The following CCDC63 variants were observed in gnomAD, a reference collection of about 807,000 sequenced individuals.
The protein encoded by CCDC63 is coiled-coil domain-containing protein 63.
In CCDC63, 54 loss-of-function variants were observed where a neutral mutation model predicts 63.6. The ratio of observed to expected loss-of-function variants is 0.85; its 90% CI spans 0.68 to 1.07. The LOEUF (loss-of-function observed/expected upper bound fraction) is 1.07. CCDC63 is among the 50% of genes least tolerant of loss of function. CCDC63 has a pLI of 0.00. For missense variants in CCDC63, 637 were observed against 689.6 expected, an observed-to-expected ratio of 0.92 and a Z score of 0.86; for synonymous variants, 253 against 266.1, an observed-to-expected ratio of 0.95 and a Z score of 0.48.
At chr12:110,900,003 C>G (rs1277258987) in intron 10 of CCDC63, among the ~76,000 whole-genome samples, 1 of 152,020 alleles carries the variant, frequency 6.6e-6, no homozygotes, top group African/African-American at 2.4e-5. Context: ...CACTTGAGGT[C>G]AGGAGTTCAA....
At chr12:110,887,193 T>C (rs2136710802) in intron 8 of CCDC63, among the ~76,000 whole-genome samples, 1 of 152,246 alleles carries the variant, frequency 6.6e-6, no homozygotes, top group African/African-American at 2.4e-5. Context: ...AGTGGCACGA[T>C]CTTGGCTTAC....
chr12:110,874,890 C>T (rs902226216), intron 5 of CCDC63, among the ~76,000 whole-genome samples: 9 of 152,108 alleles, frequency 5.9e-5, no homozygotes, highest in Non-Finnish European at 1.3e-4. Context: ...GGTGGTTCCC[C>T]TGGAAAAGCA....
chr12:110,868,487 C>G (rs7488646), intron 4 of CCDC63, among the ~76,000 whole-genome samples: 3 of 150,058 alleles, frequency 2.0e-5, no homozygotes, highest in African/African-American at 7.4e-5. Context: ...CCCGGCACCT[C>G]GGGAGGCCGA....
intron 4 of CCDC63, among the ~76,000 whole-genome samples, chr12:110,873,337 A>G (rs2071090149): frequency 6.6e-6 from 1 of 152,224 alleles, no homozygotes; most frequent in Non-Finnish European, 1.5e-5. Context: ...GATGGAGGAG[A>G]AGTCTTGGAT....
chr12:110,896,231 C>T (rs1042962735), intron 9 of CCDC63, among the ~76,000 whole-genome samples: 4 of 152,160 alleles, frequency 2.6e-5, no homozygotes, highest in Non-Finnish European at 5.9e-5. Flanking sequence ...GCCTCAACCT[C>T]CCAGGCTCAA....
At chr12:110,899,997 T>C (rs771874034) in intron 10 of CCDC63, among the ~76,000 whole-genome samples, 8 of 151,372 alleles carry the variant, frequency 5.3e-5, no homozygotes, top group Non-Finnish European at 1.0e-4. Flanking sequence ...GCAGATCACT[T>C]GAGGTCAGGA....
rs192895822 is a variant in CCDC63 at position 110,878,934 on chromosome 12, G to A, written c.490-972G>A. Among the ~76,000 whole-genome samples, 779 of 152,208 alleles carry A rather than the reference G, an allele frequency of 5.1e-3. 1 individual carries two copies. The highest frequency in any genetic ancestry group is 7.9e-3 in the Non-Finnish European group (537 of 68,004). ...GACAATTTATAAGACATACAGGAAA[G>A]TAGAGGGAATAAAATAATGAGCAAA... On this transcript the variant is annotated intron_variant, in intron 5 of 11. Coordinates refer to ENST00000308208, the MANE Select transcript of CCDC63 (RefSeq NM_152591.3).
chr12:110,849,927 A>C (rs2070685423), intron 1 of CCDC63, among the ~76,000 whole-genome samples: 1 of 152,220 alleles, frequency 6.6e-6, no homozygotes. Context: ...CATGATTAGC[A>C]GGAAACAATC....
At chr12:110,878,011 C>CT (rs202239433) in intron 5 of CCDC63, among the ~76,000 whole-genome samples, 1,606 of 151,890 alleles carry the variant, frequency 0.011, 12 homozygotes, top group Non-Finnish European at 0.014. Context: ...CCAGCCTTGA[C>CT]TTTTTTTTGT....
intron 4 of CCDC63, among the ~76,000 whole-genome samples, chr12:110,871,665 G>A (rs2071070723): frequency 6.6e-6 from 1 of 151,382 alleles, no homozygotes; most frequent in Non-Finnish European, 1.5e-5. Context: ...CACATGATGA[G>A]GTGCACGCGT....
upstream of CCDC63, chr12:110,845,910 G>A (rs1464842491): frequency 6.8e-6 from 1 of 147,706 alleles, no homozygotes; most frequent in African/African-American, 2.5e-5. Context: ...CACCCACCGG[G>A]TGTGTGCCAC....
intron 10 of CCDC63, among the ~76,000 whole-genome samples, chr12:110,901,200 T>C (rs1349291266): frequency 2.6e-5 from 4 of 152,140 alleles, no homozygotes; most frequent in African/African-American, 9.7e-5. Flanking sequence ...GATATTGTGA[T>C]TCAGGCATGC....
At chr12:110,875,764 C>T (rs1028067201) in intron 5 of CCDC63, among the ~76,000 whole-genome samples, 14 of 152,102 alleles carry the variant, frequency 9.2e-5, no homozygotes, top group African/African-American at 2.7e-4. Flanking sequence ...CTCTTCCCTT[C>T]ATCCCTAACG....
At chr12:110,860,797 C>G (rs990185738) in intron 4 of CCDC63, among the ~76,000 whole-genome samples, 10 of 152,176 alleles carry the variant, frequency 6.6e-5, no homozygotes, top group African/African-American at 2.2e-4. Flanking sequence ...CCATGTTGCC[C>G]AGGCTGGTCT....
At chr12:110,881,065 G>T (rs753378557) in intron 6 of CCDC63, 50 bp from the exon 7 acceptor site, 6 of 1,514,680 alleles carry the variant, frequency 4.0e-6, no homozygotes, top group Non-Finnish European at 4.4e-6. Context: ...GGAAAGGGAA[G>T]TAGAGAGGAG....
chr12:110,882,043 C>T (rs12819646), intron 7 of CCDC63, among the ~76,000 whole-genome samples: 29,977 of 152,016 alleles, frequency 0.2, 3,104 homozygotes, highest in Admixed American at 0.24. Flanking sequence ...CAGGACTCAG[C>T]ACTGAGGCAC....
intron 8 of CCDC63, among the ~76,000 whole-genome samples, chr12:110,885,202 GA>G (rs2071264195): frequency 6.7e-6 from 1 of 149,474 alleles, no homozygotes; most frequent in Middle Eastern, 3.2e-3. Context: ...GAGAGAGAGA[GA>G]AATATGCAAG....
intron 9 of CCDC63, among the ~76,000 whole-genome samples, chr12:110,894,595 G>A (rs1321900757): frequency 1.3e-5 from 2 of 152,182 alleles, no homozygotes; most frequent in Admixed American, 1.3e-4. Context: ...TGCTCAGAGC[G>A]GCATCTCCCG....
chr12:110,868,212 A>G (rs1266583354), intron 4 of CCDC63, among the ~76,000 whole-genome samples: 5 of 115,360 alleles, frequency 4.3e-5, no homozygotes, highest in East Asian at 2.7e-4. Context: ...CCTAGATGGG[A>G]TGGCGGCCGG....
Sources: allele counts gnomAD v4.1 joint callset (sites outside exome capture counted in the v4.1 genomes callset), GRCh38; gene constraint gnomAD v4.1.1; transcripts MANE v1.5; gene names NCBI Gene and HGNC (gene_info 2026-07-23, HGNC 2026-07-21).